Variants in SH3YL1 observed in about 807,000 individuals in gnomAD.
SH3YL1 encodes SH3 and SYLF domain containing 1, also known as SH3 domain-containing YSC84-like protein 1.
SH3YL1 carries 41 observed loss-of-function variants against 45.8 expected under a neutral mutation model. That is an observed-to-expected ratio of 0.89 (90% CI 0.70 to 1.16). SH3YL1 has a LOEUF of 1.16. SH3YL1 is among the 50% of genes most tolerant of loss of function. The pLI, the probability that SH3YL1 is intolerant of heterozygous loss-of-function variation, is 0.00. For synonymous variants in SH3YL1, 152 were observed against 151.4 expected (o/e 1.00, Z -0.03); for missense variants, 389 against 409.6 (o/e 0.95, Z 0.43).
chr2:258,416 T>C (rs1413142123), intron 1 of SH3YL1, among the ~76,000 whole-genome samples: 3 of 152,210 alleles, frequency 2.0e-5, no homozygotes, highest in African/African-American at 4.8e-5. Context: ...TTGTGTAAAA[T>C]AGGTGTTTTA....
chr2:230,133 GC>G (rs1170382212), intron 7 of SH3YL1, 89 bp from the exon 8 acceptor site: 5 of 963,232 alleles, frequency 5.2e-6, no homozygotes, highest in African/African-American at 5.0e-5. Context: ...AGGTTATGTA[GC>G]AAACTTTTAT....
At chr2:234,026 C>T (rs1027189128) in intron 5 of SH3YL1, 134 bp downstream of exon 5, 13 of 649,324 alleles carry the variant, frequency 2.0e-5, no homozygotes, top group African/African-American at 1.7e-4. Context: ...TTTGTGATGA[C>T]CTCAAATCTT....
chr2:261,663 A>G (rs944324901), intron 1 of SH3YL1, among the ~76,000 whole-genome samples: 1 of 152,240 alleles, frequency 6.6e-6, no homozygotes, highest in Admixed American at 6.5e-5. Flanking sequence ...CACTGGGGAC[A>G]AACAGGGACA....
intron 9 of SH3YL1, among the ~76,000 whole-genome samples, 183 bp from the exon 10 acceptor site, chr2:219,184 A>G (rs890015568): frequency 5.3e-5 from 8 of 152,180 alleles, no homozygotes; most frequent in African/African-American, 1.9e-4. Context: ...TGCACATTCT[A>G]TACCTAAGGA....
At chr2:247,059 C>A (rs936554488) in intron 4 of SH3YL1, among the ~76,000 whole-genome samples, 2 of 152,218 alleles carry the variant, frequency 1.3e-5, no homozygotes, top group South Asian at 2.1e-4. Context: ...ACAGACGCCA[C>A]AATCCCAGGA....
At chr2:243,575 A>C in intron 4 of SH3YL1, 1 of 1,524,144 alleles carries the variant, frequency 6.6e-7, no homozygotes, top group South Asian at 1.3e-5. Flanking sequence ...ATTAAAAAAA[A>C]AACAGACCTC....
At chr2:238,259 TTG>T (rs3842546) in intron 4 of SH3YL1, among the ~76,000 whole-genome samples, 25,647 of 141,472 alleles carry the variant, frequency 0.18, 2,527 homozygotes, top group Admixed American at 0.3. Context: ...TCCTCCCTCC[TTG>T]TGTGTGTGTG....
chr2:264,249 A>C, upstream of SH3YL1: 1 of 449,206 alleles, frequency 2.2e-6, no homozygotes, highest in South Asian at 4.2e-5. Context: ...GGCTCCAAGC[A>C]CGGTGTTGGG....
At chr2:230,188 C>T (rs1055123466) in intron 7 of SH3YL1, 144 bp from the exon 8 acceptor site, 3 of 573,056 alleles carry the variant, frequency 5.2e-6, no homozygotes, top group African/African-American at 1.9e-5. Flanking sequence ...TCACATGCAC[C>T]CCTCTGGACT....
chr2:233,254 A>C, intron 5 of SH3YL1, 25 bp from the exon 6 acceptor site: 1 of 1,539,008 alleles, frequency 6.5e-7, no homozygotes, highest in Non-Finnish European at 8.8e-7. Context: ...ATTTTGCATC[A>C]CAAAGCTGTG....
intron 1 of SH3YL1, among the ~76,000 whole-genome samples, chr2:255,306 T>C (rs1487404923): frequency 1.3e-5 from 2 of 152,236 alleles, no homozygotes; most frequent in African/African-American, 2.4e-5. Flanking sequence ...TTGAAACATG[T>C]AATTTATCTT....
chr2:219,567 C>A (rs915058345), intron 9 of SH3YL1, among the ~76,000 whole-genome samples: 1 of 152,048 alleles, frequency 6.6e-6, no homozygotes, highest in African/African-American at 2.4e-5. Flanking sequence ...CCTCCAGAAG[C>A]GTGAGAAATA....
chr2:224,625 T>C (rs572970993), intron 9 of SH3YL1, among the ~76,000 whole-genome samples: 2 of 152,176 alleles, frequency 1.3e-5, no homozygotes, highest in East Asian at 3.9e-4. Flanking sequence ...CAGCACACAC[T>C]CCCTACACAG....
At chr2:230,829 G>A in intron 7 of SH3YL1, 194 bp downstream of exon 7, 1 of 586,258 alleles carries the variant, frequency 1.7e-6, no homozygotes, top group Non-Finnish European at 3.0e-6. Context: ...CAATCACAGA[G>A]GACAAATTAT....
rs901042084 is a variant in SH3YL1 at position 231,196 on chromosome 2, T to C, written c.534-5A>G. 2 of 1,590,234 alleles carry C rather than the reference T, an allele frequency of 1.3e-6. No homozygotes were observed. The highest frequency in any genetic ancestry group is 1.7e-6 in the Non-Finnish European group (2 of 1,167,138). ...CGGATATCTTGACAATAAAATCTAA[T>C]GGGAAATATAAAATTAAAAACATTT... On this transcript the variant is annotated splice_region_variant and splice_polypyrimidine_tract_variant and intron_variant, in intron 6 of 9. Transcript: ENST00000356150.
intron 4 of SH3YL1, chr2:242,955 A>T: frequency 1.2e-6 from 1 of 835,292 alleles, no homozygotes; most frequent in Non-Finnish European, 1.7e-6. Context: ...CCAAAGAGAT[A>T]TAACAATTAT....
chr2:251,619 G>A (rs1005286001), intron 2 of SH3YL1, among the ~76,000 whole-genome samples: 20 of 152,026 alleles, frequency 1.3e-4, no homozygotes, highest in African/African-American at 4.1e-4. Context: ...TCTGAAACTA[G>A]TGTGTGTGTG....
At position 247,621 on chromosome 2, in the gene SH3YL1, A is replaced by T; in HGVS notation, c.227-19T>A. The T allele has an allele frequency of 1.3e-6, 2 of 1,546,516 alleles. No homozygotes were observed. The highest frequency in any genetic ancestry group is 8.7e-7 in the Non-Finnish European group (1 of 1,144,216). On this transcript the variant is annotated intron_variant, in intron 3 of 9. Coordinates refer to ENST00000356150, the MANE Select transcript of SH3YL1 (RefSeq NM_015677.4). ...GACCATTCTAATAAAAAAACAAACGAACGTTATCCTAACATTAAAACACCC... is the reference window on the plus strand; with the variant it reads ...GACCATTCTAATAAAAAAACAAACGTACGTTATCCTAACATTAAAACACCC...
intron 4 of SH3YL1, among the ~76,000 whole-genome samples, chr2:243,139 G>C (rs762589660): frequency 6.6e-6 from 1 of 152,066 alleles, no homozygotes; most frequent in African/African-American, 2.4e-5. Flanking sequence ...GATTATCAAG[G>C]ATATGGAACA....
Sources: gnomAD v4.1 joint callset for allele counts (sites outside exome capture counted in the v4.1 genomes callset) on GRCh38, gnomAD v4.1.1 for gene constraint, MANE v1.5 for transcripts, NCBI Gene and HGNC (gene_info 2026-07-23, HGNC 2026-07-21) for gene names.